The following OPCML variants were observed in gnomAD, a reference collection of about 807,000 sequenced individuals.
OPCML encodes the protein opioid-binding protein/cell adhesion molecule.
OPCML carries 13 observed loss-of-function variants against 37.8 expected under a neutral mutation model. That is an observed-to-expected ratio of 0.34 (90% CI 0.22 to 0.55). The LOEUF (loss-of-function observed/expected upper bound fraction) is 0.55, where lower values mean the gene tolerates loss of function less well. Among genes scored for constraint, OPCML ranks in the 20% least tolerant of loss-of-function variants. The pLI, the probability that OPCML is intolerant of heterozygous loss-of-function variation, is 0.91. For synonymous variants in OPCML, 176 were observed against 168.8 expected, an observed-to-expected ratio of 1.04 and a Z score of -0.33; for missense variants, 341 against 435.6, an observed-to-expected ratio of 0.78 and a Z score of 1.93.
At chr11:133,118,184 C>T in intron 1 of OPCML, 1 of 962,812 alleles carries the variant, frequency 1.0e-6, no homozygotes, top group Non-Finnish European at 1.2e-6. Flanking sequence ...AGTGCAGTGC[C>T]TGTTTCCATG....
chr11:132,476,564 A>G (rs879103414), intron 4 of OPCML, among the ~76,000 whole-genome samples: 1 of 152,166 alleles, frequency 6.6e-6, no homozygotes, highest in African/African-American at 2.4e-5. Flanking sequence ...GCTGGAAACC[A>G]TCATTCTCAG....
Position 133,174,758 on chromosome 11 carries a change from T to G in OPCML, c.62-231748A>C, listed in dbSNP as rs1459648984. Among the ~76,000 whole-genome samples, 1 of 152,076 alleles carries G rather than the reference T, an allele frequency of 6.6e-6. No individual in the cohort carries two copies. Among genetic ancestry groups the G allele is most frequent in the Non-Finnish European group, 1.5e-5 (1 of 68,036 alleles). ...TCTATATTTTCATCTCTCTGACTGT[T>G]TTAGTCATTCAACTCTATATTATAA... is the stretch of plus-strand genomic sequence containing the variant. On this transcript the variant is annotated intron_variant, in intron 1 of 7. Coordinates refer to ENST00000524381, the MANE Select transcript of OPCML (RefSeq NM_001012393.5). This position sits in a 1 kb window ranked among gnomAD's most constrained non-coding sequence, Gnocchi z 4.6.
chr11:132,516,385 T>G (rs2096279777), intron 4 of OPCML, among the ~76,000 whole-genome samples: 5 of 152,160 alleles, frequency 3.3e-5, no homozygotes, highest in African/African-American at 1.2e-4. Context: ...ATCTGGGAAC[T>G]TGTCTTTGCA....
chr11:132,735,274 G>A (rs934226622), intron 2 of OPCML, among the ~76,000 whole-genome samples: 3 of 152,076 alleles, frequency 2.0e-5, no homozygotes, highest in African/African-American at 7.2e-5. Flanking sequence ...GAAATCTTTT[G>A]TTAAGATCTC....
intron 2 of OPCML, among the ~76,000 whole-genome samples, chr11:132,837,708 G>A (rs1194847322): frequency 1.3e-5 from 2 of 152,342 alleles, no homozygotes; most frequent in East Asian, 3.9e-4. Flanking sequence ...AGACTCCACA[G>A]AGGAGATGAC....
At chr11:132,526,747 C>T (rs892530095) in intron 4 of OPCML, among the ~76,000 whole-genome samples, 2 of 152,054 alleles carry the variant, frequency 1.3e-5, no homozygotes, top group Non-Finnish European at 2.9e-5. Flanking sequence ...AATTTAATTG[C>T]AATATAATTA....
chr11:133,024,020 C>T (rs79689777), intron 1 of OPCML, among the ~76,000 whole-genome samples: 22 of 152,132 alleles, frequency 1.4e-4, no homozygotes, highest in Non-Finnish European at 1.5e-4. Context: ...CTAATTGTTG[C>T]GCAGAAAGTG....
At chr11:133,307,712 G>A (rs1449442370) in intron 1 of OPCML, among the ~76,000 whole-genome samples, 1 of 152,108 alleles carries the variant, frequency 6.6e-6, no homozygotes, top group African/African-American at 2.4e-5. Context: ...TTGAACTCAG[G>A]TGCGTTTTGA....
intron 1 of OPCML, among the ~76,000 whole-genome samples, chr11:133,283,581 A>G (rs1386568207): frequency 6.6e-6 from 1 of 152,184 alleles, no homozygotes; most frequent in Non-Finnish European, 1.5e-5. Flanking sequence ...ATTTGTTTAC[A>G]CTGACACAAA....
chr11:133,383,929 T>A (rs1185731835), intron 1 of OPCML, among the ~76,000 whole-genome samples: 3 of 151,790 alleles, frequency 2.0e-5, no homozygotes, highest in Admixed American at 2.0e-4. Context: ...AAGAGAAGGG[T>A]GCAGGCTTGT....
chr11:132,953,633 C>T (rs1945911736), intron 1 of OPCML, among the ~76,000 whole-genome samples: 1 of 152,148 alleles, frequency 6.6e-6, no homozygotes, highest in Non-Finnish European at 1.5e-5. Flanking sequence ...CTTACCCCTC[C>T]CTGGTCTCAC....
At position 132,515,870 on chromosome 11, in the gene OPCML, G is replaced by T. The variant is rs140420849; in HGVS notation, c.505+13191C>A. On this transcript the variant is annotated intron_variant, in intron 4 of 7. Coordinates refer to ENST00000524381, the MANE Select transcript of OPCML (RefSeq NM_001012393.5). The stretch of plus-strand genomic sequence containing the variant: ...TTCAGGTGCTCTTGGAAGAAAGCAG[G>T]AAGAAAAGAGCCTGCAGAGACAGGG... Among the ~76,000 whole-genome samples, 880 of 152,256 alleles carry T rather than the reference G, an allele frequency of 5.8e-3. 6 individuals carry two copies. Among genetic ancestry groups the T allele is most frequent in the Middle Eastern group, 0.044 (13 of 294 alleles).
intron 4 of OPCML, among the ~76,000 whole-genome samples, chr11:132,470,670 A>C (rs1252856659): frequency 3.3e-5 from 5 of 152,166 alleles, no homozygotes; most frequent in Non-Finnish European, 5.9e-5. Flanking sequence ...GTGTGATCAT[A>C]GATATCATTA....
At chr11:132,591,841 G>A (rs2096484937) in intron 3 of OPCML, among the ~76,000 whole-genome samples, 1 of 152,196 alleles carries the variant, frequency 6.6e-6, no homozygotes, top group African/African-American at 2.4e-5. Flanking sequence ...ACATTTATGT[G>A]TTCTTGTGTG....
intron 4 of OPCML, among the ~76,000 whole-genome samples, chr11:132,479,184 A>C (rs948073641): frequency 3.3e-5 from 5 of 152,194 alleles, no homozygotes; most frequent in Non-Finnish European, 7.3e-5. Flanking sequence ...GCATGAGCCA[A>C]AAAAGGGCGA....
chr11:133,345,319 G>T (rs1943972831), intron 1 of OPCML, among the ~76,000 whole-genome samples: 1 of 152,188 alleles, frequency 6.6e-6, no homozygotes, highest in Non-Finnish European at 1.5e-5. Flanking sequence ...GCAGCCAAAT[G>T]TATTTAGAAA....
chr11:132,573,746 T>C (rs1409742311), intron 3 of OPCML, among the ~76,000 whole-genome samples: 1 of 152,036 alleles, frequency 6.6e-6, no homozygotes, highest in Non-Finnish European at 1.5e-5. Context: ...GCTGGCCTCA[T>C]AAAAACAGTT....
chr11:133,333,310 T>C (rs4275641), intron 1 of OPCML, among the ~76,000 whole-genome samples: 34,055 of 151,976 alleles, frequency 0.22, 6,243 homozygotes, highest in African/African-American at 0.5. Context: ...CCATCCACCT[T>C]GGCCTCCCAT....
intron 1 of OPCML, among the ~76,000 whole-genome samples, chr11:133,119,769 G>A (rs1306505832): frequency 2.6e-5 from 4 of 152,230 alleles, no homozygotes; most frequent in Non-Finnish European, 5.9e-5. Flanking sequence ...GAAGACAGGG[G>A]CAGAGGCTCA....
Sources: allele counts gnomAD v4.1 joint callset (sites outside exome capture counted in the v4.1 genomes callset), GRCh38; gene constraint gnomAD v4.1.1; non-coding constraint Gnocchi (gnomAD v3.1); transcripts MANE v1.5; gene names NCBI Gene and HGNC (gene_info 2026-07-23, HGNC 2026-07-21).